Variants in ZCCHC2 observed in about 807,000 individuals in gnomAD.
ZCCHC2 encodes the protein zinc finger CCHC domain-containing protein 2.
A neutral mutation model predicts 103.6 loss-of-function variants in ZCCHC2; 39 were observed. The ratio of observed to expected loss-of-function variants is 0.38; its 90% CI spans 0.29 to 0.49. ZCCHC2 has a LOEUF of 0.49. Among genes scored for constraint, ZCCHC2 ranks in the 20% least tolerant of loss-of-function variants. The pLI is 0.96. For missense variants in ZCCHC2, 1,483 were observed against 1,491.0 expected (o/e 0.99, Z 0.09); for synonymous variants, 687 against 608.9 (o/e 1.13, Z -1.89).
At chr18:62,551,956 G>A (rs566846068) in intron 5 of ZCCHC2, 3 of 152,178 alleles carry the variant, frequency 2.0e-5, no homozygotes, top group East Asian at 3.9e-4. Flanking sequence ...TGACTGTTAC[G>A]GCCCCCCTCC....
intron 4 of ZCCHC2, among the ~76,000 whole-genome samples, chr18:62,546,169 G>A (rs1915397522): frequency 6.6e-6 from 1 of 152,186 alleles, no homozygotes; most frequent in Non-Finnish European, 1.5e-5. Context: ...TGTCAGCTCT[G>A]GACACCTTGG....
chr18:62,576,426 G>A (rs1164183377), intron 13 of ZCCHC2, 86 bp from the exon 14 acceptor site: 2 of 1,173,856 alleles, frequency 1.7e-6, no homozygotes, highest in Non-Finnish European at 2.5e-6. Flanking sequence ...CTTGTGGAGA[G>A]CATGCCCGTG....
chr18:62,573,944 A>G (rs972898338), intron 12 of ZCCHC2, 113 bp from the exon 13 acceptor site: 2 of 1,113,972 alleles, frequency 1.8e-6, no homozygotes, highest in Non-Finnish European at 2.5e-6. Context: ...CAGGAAACAT[A>G]GAGGGACACT....
intron 11 of ZCCHC2, among the ~76,000 whole-genome samples, chr18:62,565,333 T>G (rs1377349397): frequency 6.6e-6 from 1 of 152,120 alleles, no homozygotes; most frequent in Non-Finnish European, 1.5e-5. Context: ...CTCACCTGCC[T>G]CTCCCTTCTG....
chr18:62,571,133 A>T (rs1222530902), intron 12 of ZCCHC2, among the ~76,000 whole-genome samples: 1 of 152,232 alleles, frequency 6.6e-6, no homozygotes, highest in Non-Finnish European at 1.5e-5. Flanking sequence ...CTACATTTTT[A>T]AACAGTTGCT....
rs1490801971 is a variant in ZCCHC2, at chr18:62,575,528, G to A, written c.3447G>A (p.Ser1149=). 14 of 1,613,496 alleles carry A rather than the reference G, an allele frequency of 8.7e-6. No homozygotes were observed. The highest frequency in any genetic ancestry group is 5.3e-5 in the African/African-American group (4 of 74,930). The change falls in exon 13 of 14, where the codon TCG becomes TCA. Residue 1149 remains serine, a synonymous_variant. Coordinates refer to ENST00000269499, the MANE Select transcript of ZCCHC2 (RefSeq NM_017742.6). ...ACTATGCACAGGACTGTAAGCAGTC[G>A]TCCATGGAGGCCAATCAACAAGGTA... The part of the protein sequence containing the change: ...SGHYAQDCKQ[S]SMEANQQGTY...
intron 1 of ZCCHC2, 23 bp downstream of exon 1, chr18:62,524,386 G>C (rs1279910734): frequency 1.4e-6 from 2 of 1,455,848 alleles, no homozygotes; most frequent in South Asian, 1.4e-5. Flanking sequence ...GAGCCTCCCT[G>C]GACTCGCGGT....
rs1192712505 is a variant in ZCCHC2, at chr18:62,524,210, C to T, written c.786C>T (p.Leu262=). ...GSRAQEELLL[L]FTMASLHPAF... ...GGGCCCAGGAGGAACTGCTGCTGCT[C>T]TTCACCATGGCCTCGCTGCACCCGG... The change falls in exon 1 of 14, where the codon CTC becomes CTT. Residue 262 remains leucine (L), a synonymous_variant. Coordinates refer to ENST00000269499, the MANE Select transcript of ZCCHC2 (RefSeq NM_017742.6). 12 of 1,549,880 alleles carry T rather than the reference C, an allele frequency of 7.7e-6. No individual in the cohort carries two copies. The highest frequency in any genetic ancestry group is 5.9e-5 in the Admixed American group (3 of 50,968).
chr18:62,544,199 A>G (rs889477264), intron 3 of ZCCHC2, among the ~76,000 whole-genome samples: 5 of 152,168 alleles, frequency 3.3e-5, no homozygotes, highest in African/African-American at 7.2e-5. Flanking sequence ...GACTCTTGCA[A>G]CCTACTTAGA....
intron 1 of ZCCHC2, among the ~76,000 whole-genome samples, chr18:62,537,043 A>C (rs987461692): frequency 6.6e-6 from 1 of 152,204 alleles, no homozygotes; most frequent in Non-Finnish European, 1.5e-5. Flanking sequence ...TGTACGGTTC[A>C]GTAGCATTAA....
intron 1 of ZCCHC2, among the ~76,000 whole-genome samples, chr18:62,532,615 TATG>T (rs1160949185): frequency 6.6e-6 from 1 of 152,256 alleles, no homozygotes; most frequent in Non-Finnish European, 1.5e-5. Context: ...TTGTCTCTTG[TATG>T]ATGTTTTCTG....
At chr18:62,560,729 G>T in intron 8 of ZCCHC2, 85 bp downstream of exon 8, 1 of 1,095,286 alleles carries the variant, frequency 9.1e-7, no homozygotes, top group South Asian at 1.6e-5. Context: ...GATGTATTTG[G>T]CTATAATTCT....
rs1295113114 is a variant in ZCCHC2, at chr18:62,537,326, T to A, written c.940-2355T>A. Reference sequence around the variant, plus strand: ...GACTACAGGCACATACCACCACTTCTGGCTAACAAAAAAAAAAAATTCTTT... The same window carrying A: ...GACTACAGGCACATACCACCACTTCAGGCTAACAAAAAAAAAAAATTCTTT... On this transcript the variant is annotated intron_variant, in intron 1 of 13. Coordinates refer to ENST00000269499, the MANE Select transcript of ZCCHC2 (RefSeq NM_017742.6). 3.3e-5 allele frequency among the ~76,000 whole-genome samples: 5 copies of A among 151,992 alleles called. No homozygotes were observed. The East Asian group carries it at 9.7e-4, about 29-fold the overall frequency.
At chr18:62,584,104 A>G (rs1489231070) in intron 14 of ZCCHC2, among the ~76,000 whole-genome samples, 2 of 152,200 alleles carry the variant, frequency 1.3e-5, no homozygotes, top group Admixed American at 1.3e-4. Context: ...CCTAATTCCT[A>G]AACGCTGTCC....
chr18:62,575,313 A>G lies in ZCCHC2; in HGVS notation c.3232A>G (p.Thr1078Ala). 2 of 1,613,774 alleles carry G rather than the reference A, an allele frequency of 1.2e-6. No homozygotes were observed. Among genetic ancestry groups the G allele is most frequent in the Non-Finnish European group, 1.7e-6 (2 of 1,179,830 alleles). The change falls in exon 13 of 14, where the codon ACT becomes GCT. Residue 1078 changes from threonine to alanine, a missense_variant. This residue lies in a region of ZCCHC2 where 884 missense variants were observed against 907.5 expected (regional missense o/e 0.97). Transcript: ENST00000269499. ...CCAACTTCCTTTTTTTCTGCCTCAG[A>G]CTCCATATGCAAATGGACTGGTACA... ...GNQLPFFLPQ[T>A]PYANGLVHDP...
At chr18:62,540,958 C>T (rs926183957) in intron 2 of ZCCHC2, among the ~76,000 whole-genome samples, 4 of 152,140 alleles carry the variant, frequency 2.6e-5, no homozygotes, top group Non-Finnish European at 5.9e-5. Flanking sequence ...GTCATAGTGG[C>T]TTTTTCTGCT....
intron 4 of ZCCHC2, among the ~76,000 whole-genome samples, chr18:62,545,877 T>A (rs1303436529): frequency 6.6e-6 from 1 of 152,234 alleles, no homozygotes. Context: ...TGAGAGACTT[T>A]TATTCATCAA....
At chr18:62,551,962 C>G (rs1017675205) in intron 5 of ZCCHC2, 1 of 152,060 alleles carries the variant, frequency 6.6e-6, no homozygotes, top group African/African-American at 2.4e-5. Flanking sequence ...TTACGGCCCC[C>G]CTCCTGAGTA....
rs146922011 is a variant in ZCCHC2 at position 62,573,798 on chromosome 18, A to G, written c.1976-259A>G. On this transcript the variant is annotated intron_variant, in intron 12 of 13. Coordinates refer to ENST00000269499, the MANE Select transcript of ZCCHC2 (RefSeq NM_017742.6). ...TGTTACATAAATCTCTTTGTTTTAT[A>G]CTATGTTTCATTCAGACTCCAACTA... 1.0e-3 allele frequency among the ~76,000 whole-genome samples: 153 copies of G among 152,294 alleles called. 1 individual carries two copies. The highest frequency in any genetic ancestry group is 3.6e-3 in the African/African-American group (149 of 41,580).
Sources: allele counts gnomAD v4.1 joint callset (sites outside exome capture counted in the v4.1 genomes callset), GRCh38; gene constraint gnomAD v4.1.1; regional missense constraint gnomAD v4.1.1; transcripts MANE v1.5; gene names NCBI Gene and HGNC (gene_info 2026-07-23, HGNC 2026-07-21).